The following ACOT12 variants were observed in gnomAD, a reference collection of about 807,000 sequenced individuals.
The protein encoded by ACOT12 is acyl-CoA thioesterase 12, also known as acetyl-coenzyme A thioesterase.
Under a neutral mutation model 67.7 loss-of-function variants are expected in ACOT12, and 51 were observed. That is an observed-to-expected ratio of 0.75 (90% confidence interval 0.60 to 0.95). The LOEUF is 0.95. ACOT12 is among the 40% of genes least tolerant of loss of function. ACOT12 has a pLI of 0.00. For missense variants in ACOT12, 734 were observed against 708.1 expected (o/e 1.04, Z -0.41); for synonymous variants, 251 against 244.6 (o/e 1.03, Z -0.24).
Position 81,359,989 on chromosome 5 carries a change from T to C in ACOT12, c.410A>G (p.His137Arg). 1 of 1,613,080 alleles carries C rather than the reference T, an allele frequency of 6.2e-7. No homozygotes were observed. Among genetic ancestry groups the C allele is most frequent in the South Asian group, 1.1e-5 (1 of 90,794 alleles). ...TLLTEQDHVE[H>R]NLAAERRKVR... ...TTTCCTTCTCTCAGCAGCCAGATTATGTTCCACATGATCTTGTTCAGTTAG... is the reference window on the plus strand; with the variant it reads ...TTTCCTTCTCTCAGCAGCCAGATTACGTTCCACATGATCTTGTTCAGTTAG... The change falls in exon 5 of 15, where the codon CAT (histidine) becomes CGT (arginine). Residue 137 changes from histidine (H) to arginine (R), a missense_variant. His to Arg is a conservative substitution (Grantham distance 29). Transcript: ENST00000307624.
chr5:81,324,675 G>T, the ACOT12 span, among the ~76,000 whole-genome samples: 1 of 152,162 alleles, frequency 6.6e-6, no homozygotes, highest in Non-Finnish European at 1.5e-5. Context: ...ACAAGAAAAG[G>T]CTTTAAAAAT....
chr5:81,361,197 T>C (rs1339399711), intron 4 of ACOT12, among the ~76,000 whole-genome samples: 1 of 150,728 alleles, frequency 6.6e-6, no homozygotes, highest in East Asian at 2.0e-4. Context: ...TGTAGATTGA[T>C]GGCATGCACT....
At chr5:81,320,287 A>G in the ACOT12 span, among the ~76,000 whole-genome samples, 6 of 152,218 alleles carry the variant, frequency 3.9e-5, no homozygotes, top group Non-Finnish European at 8.8e-5. Context: ...TGCCTGGGAA[A>G]GGAAATAAAG....
Position 81,393,997 on chromosome 5 carries a change from AGGCGGT to A in ACOT12, c.112_117del (p.Thr38_Ala39del). ...CCCGGCGCCCGCCTACCCGCCAGGC[AGGCGGT>A]GGTGTCGATCCACTTGAGCAGCTGC... On this transcript the variant is annotated inframe_deletion, in exon 1 of 15. Coordinates refer to ENST00000307624, the MANE Select transcript of ACOT12 (RefSeq NM_130767.3). 7.2e-7 allele frequency: 1 copy of A among 1,391,612 alleles called. No individual in the cohort carries two copies. The allele number at this position is 1,391,612 out of a possible 1,614,324, so 86.2% of individuals were successfully genotyped here. A position where few individuals can be genotyped will look rare whatever the true frequency, so the allele number is the denominator to read the frequency against.
chr5:81,321,807 C>T, the ACOT12 span, among the ~76,000 whole-genome samples: 1 of 152,038 alleles, frequency 6.6e-6, no homozygotes, highest in Admixed American at 6.5e-5. Context: ...ATTATCTGGG[C>T]ATGGTGGTGC....
chr5:81,350,268 T>C (rs1052074515), intron 5 of ACOT12, among the ~76,000 whole-genome samples: 1 of 152,170 alleles, frequency 6.6e-6, no homozygotes, highest in African/African-American at 2.4e-5. Flanking sequence ...TTCACTGAGT[T>C]TCAAATTTTA....
At chr5:81,391,141 G>A (rs1450964015) in intron 1 of ACOT12, among the ~76,000 whole-genome samples, 1 of 152,336 alleles carries the variant, frequency 6.6e-6, no homozygotes, top group Admixed American at 6.5e-5. Flanking sequence ...TTTGGAGTCT[G>A]TCCTATGTAT....
chr5:81,316,003 T>A, the ACOT12 span, among the ~76,000 whole-genome samples: 7 of 152,252 alleles, frequency 4.6e-5, no homozygotes, highest in Non-Finnish European at 1.0e-4. Flanking sequence ...TTCACTGATA[T>A]ACCCCAAATG....
chr5:81,346,615 G>GTCA (rs1759388685), intron 6 of ACOT12, among the ~76,000 whole-genome samples: 1 of 152,064 alleles, frequency 6.6e-6, no homozygotes, highest in Non-Finnish European at 1.5e-5. Context: ...TAGATTCCCA[G>GTCA]TCATCATTCA....
At chr5:81,332,707 C>T (rs559433696) in intron 12 of ACOT12, 102 bp from the exon 13 acceptor site, 3 of 1,395,834 alleles carry the variant, frequency 2.1e-6, no homozygotes, top group Non-Finnish European at 3.0e-6. Flanking sequence ...TCCATATTTG[C>T]CCCTTCAGCT....
chr5:81,393,611 G>T (rs1760919512), intron 1 of ACOT12, among the ~76,000 whole-genome samples: 1 of 152,066 alleles, frequency 6.6e-6, no homozygotes, highest in South Asian at 2.1e-4. Flanking sequence ...TAGTTACTCT[G>T]GAGGCTGAGG....
chr5:81,343,995 C>T (rs1580540486), intron 9 of ACOT12, 114 bp from the exon 10 acceptor site: 9 of 1,205,252 alleles, frequency 7.5e-6, no homozygotes, highest in East Asian at 2.4e-5. Flanking sequence ...AGTGGAACAA[C>T]GTGGAAGAAC....
At chr5:81,315,559 ATGAGT>A in the ACOT12 span, among the ~76,000 whole-genome samples, 1 of 152,212 alleles carries the variant, frequency 6.6e-6, no homozygotes, top group Admixed American at 6.5e-5. Flanking sequence ...CATTTGTTGA[ATGAGT>A]TAATTCAATG....
At chr5:81,308,674 A>G in the ACOT12 span, 1 of 1,613,468 alleles carries the variant, frequency 6.2e-7, no homozygotes, top group Non-Finnish European at 8.5e-7. Context: ...CAGAGCACGA[A>G]ATAACCAAGT....
In ACOT12 at chr5:81,335,917, A is replaced by C; in HGVS notation, c.1129-16T>G. On this transcript the variant is annotated splice_polypyrimidine_tract_variant and intron_variant, in intron 11 of 14. Coordinates refer to ENST00000307624, the MANE Select transcript of ACOT12 (RefSeq NM_130767.3). Reference sequence around the variant, plus strand: ...ATATTTTTATCTAAAAGACAACAAAAAAATTAAATTACGAAAGAAAACTGA... The same window carrying C: ...ATATTTTTATCTAAAAGACAACAAACAAATTAAATTACGAAAGAAAACTGA... 6.3e-7 allele frequency: 1 copy of C among 1,591,424 alleles called. No individual in the cohort carries two copies. Among genetic ancestry groups the C allele is most frequent in the Non-Finnish European group, 8.5e-7 (1 of 1,172,210 alleles).
rs115789123 is a variant in ACOT12, at chr5:81,388,094, T to C, written c.128-2268A>G. Among the ~76,000 whole-genome samples, 1,067 of 152,306 alleles carry C rather than the reference T, an allele frequency of 7.0e-3. 13 individuals carry two copies. Among genetic ancestry groups the C allele is most frequent in the African/African-American group, 0.024 (1,010 of 41,564 alleles). On this transcript the variant is annotated intron_variant, in intron 1 of 14. Coordinates refer to ENST00000307624, the MANE Select transcript of ACOT12 (RefSeq NM_130767.3). The stretch of plus-strand genomic sequence containing the variant: ...TGGTACTATTATTAGCTCCCTTTTA[T>C]AAATAAGAAAATTTAGGCTTAGAAA...
chr5:81,384,117 C>T (rs1436478281), intron 2 of ACOT12, among the ~76,000 whole-genome samples: 7 of 118,684 alleles, frequency 5.9e-5, no homozygotes, highest in Non-Finnish European at 8.5e-5. Flanking sequence ...CATAGGTGTA[C>T]TTTTTTTTTT....
At chr5:81,367,041 C>G (rs1016643422) in intron 3 of ACOT12, among the ~76,000 whole-genome samples, 1 of 152,170 alleles carries the variant, frequency 6.6e-6, no homozygotes, top group Non-Finnish European at 1.5e-5. Context: ...TCCAGTAGCT[C>G]TAGAAACCCA....
At chr5:81,309,167 T>C in the ACOT12 span, 12 of 670,140 alleles carry the variant, frequency 1.8e-5, no homozygotes, top group Non-Finnish European at 2.6e-5. Flanking sequence ...TACATTATTT[T>C]TATCAAGTGC....
Sources: allele counts gnomAD v4.1 joint callset (sites outside exome capture counted in the v4.1 genomes callset), GRCh38; gene constraint gnomAD v4.1.1; transcripts MANE v1.5; gene names NCBI Gene and HGNC (gene_info 2026-07-23, HGNC 2026-07-21).